Variants in SASH1 observed in about 807,000 individuals in gnomAD.
SASH1 encodes the protein SAM and SH3 domain-containing protein 1.
A neutral mutation model predicts 125.2 loss-of-function variants in SASH1; 44 were observed. The ratio of observed to expected loss-of-function variants is 0.35; its 90% CI spans 0.28 to 0.45. The LOEUF (loss-of-function observed/expected upper bound fraction) is 0.45, where lower values mean the gene tolerates loss of function less well. Ranked by LOEUF, SASH1 falls within the 20% of genes least tolerant of loss-of-function variation. The pLI, the probability that SASH1 is intolerant of heterozygous loss-of-function variation, is 1.00. For missense variants in SASH1, 1,426 were observed against 1,614.5 expected, an observed-to-expected ratio of 0.88 and a Z score of 2.00; for synonymous variants, 639 against 649.1, an observed-to-expected ratio of 0.98 and a Z score of 0.24.
chr6:148,481,343 TC>T (rs1458820634), intron 7 of SASH1, among the ~76,000 whole-genome samples: 1 of 152,144 alleles, frequency 6.6e-6, no homozygotes, highest in Non-Finnish European at 1.5e-5. Flanking sequence ...ATAAGGCTGT[TC>T]CATTTTCTTA....
At chr6:148,259,169 C>A in the SASH1 span, among the ~76,000 whole-genome samples, 1 of 152,174 alleles carries the variant, frequency 6.6e-6, no homozygotes, top group Non-Finnish European at 1.5e-5. Context: ...GGGGCACCTC[C>A]TGTTCCAGGA....
chr6:148,479,978 G>C (rs112665114), intron 7 of SASH1: 291 of 154,280 alleles, frequency 1.9e-3, no homozygotes, highest in Non-Finnish European at 2.2e-3. Flanking sequence ...TGTAGCCAGA[G>C]ATGAAACACT....
At chr6:148,281,528 T>C (rs1180213836) in intron 1 of SASH1, among the ~76,000 whole-genome samples, 2 of 152,186 alleles carry the variant, frequency 1.3e-5, no homozygotes, top group East Asian at 1.9e-4. Context: ...GACCGACTCA[T>C]GAGCCTGATG....
intron 4 of SASH1, among the ~76,000 whole-genome samples, chr6:148,466,741 TA>T (rs1380884979): frequency 4.0e-5 from 6 of 150,482 alleles, no homozygotes; most frequent in Non-Finnish European, 9.0e-5. Context: ...TTGAACTTTT[TA>T]GAAGTTTTTT....
intron 8 of SASH1, among the ~76,000 whole-genome samples, chr6:148,500,098 G>A (rs1007544867): frequency 4.6e-5 from 7 of 151,972 alleles, no homozygotes; most frequent in African/African-American, 1.7e-4. Context: ...TCTCTTTGCC[G>A]TAGTTTGTTT....
chr6:148,213,354 C>G, the SASH1 span, among the ~76,000 whole-genome samples: 4 of 152,068 alleles, frequency 2.6e-5, no homozygotes, highest in African/African-American at 9.7e-5. Context: ...AATCTGTATT[C>G]TCCGCTTTTA....
At chr6:148,410,656 G>A (rs1784584770) in intron 2 of SASH1, among the ~76,000 whole-genome samples, 1 of 152,114 alleles carries the variant, frequency 6.6e-6, no homozygotes, top group Admixed American at 6.6e-5. Context: ...TTTCTGTATA[G>A]GACAAGCCTA....
intron 1 of SASH1, among the ~76,000 whole-genome samples, chr6:148,337,553 G>C (rs2495938): frequency 0.28 from 41,806 of 151,838 alleles, 5,781 homozygotes; most frequent in Admixed American, 0.31. Flanking sequence ...ATAGAGACGA[G>C]GTTTCACCAT....
intron 1 of SASH1, among the ~76,000 whole-genome samples, chr6:148,288,725 G>A (rs1779551014): frequency 6.6e-6 from 1 of 152,026 alleles, no homozygotes; most frequent in African/African-American, 2.4e-5. Flanking sequence ...TTTCCAGGCT[G>A]AGGCCACTCT....
intron 8 of SASH1, among the ~76,000 whole-genome samples, chr6:148,490,334 G>A (rs1302719913): frequency 6.6e-6 from 1 of 151,822 alleles, no homozygotes; most frequent in Non-Finnish European, 1.5e-5. Context: ...TCAGCCTCCC[G>A]AGTAGTTAGG....
intron 8 of SASH1, among the ~76,000 whole-genome samples, chr6:148,499,563 A>T (rs1779476542): frequency 6.6e-6 from 1 of 152,086 alleles, no homozygotes; most frequent in African/African-American, 2.4e-5. Flanking sequence ...CTTCATTGAG[A>T]TTTTCCTGCC....
At chr6:148,416,752 C>T (rs1342706439) in intron 2 of SASH1, among the ~76,000 whole-genome samples, 6 of 152,246 alleles carry the variant, frequency 3.9e-5, no homozygotes, top group African/African-American at 7.2e-5. Context: ...CCCTGGAACA[C>T]GGGGAATCAT....
Position 148,511,014 on chromosome 6 carries a change from GAA to G in SASH1, c.730-3308_730-3307del, listed in dbSNP as rs1780088166. ...CCATCTCAAAAAAAAAAAAAAAAAA[GAA>G]AGACATGCTGTGTTATTTTCAGCAT... On this transcript the variant is annotated intron_variant, in intron 8 of 19. Transcript: ENST00000367467. Among the ~76,000 whole-genome samples, 9 of 134,528 alleles carry G rather than the reference GAA, an allele frequency of 6.7e-5. No individual in the cohort carries two copies. In the South Asian group the frequency reaches 1.9e-3, roughly 29 times the overall value. The allele number at this position is 134,528 out of a possible 152,430, so 88.3% of individuals were successfully genotyped here.
At chr6:148,524,204 C>CA (rs1311513002) in intron 10 of SASH1, among the ~76,000 whole-genome samples, 1 of 134,096 alleles carries the variant, frequency 7.5e-6, no homozygotes, top group Admixed American at 7.3e-5. Flanking sequence ...AAAATAATGG[C>CA]AAAACTGCGA....
At chr6:148,322,929 C>CTCTTT (rs1554234555) in intron 1 of SASH1, among the ~76,000 whole-genome samples, 6,558 of 119,348 alleles carry the variant, frequency 0.055, 426 homozygotes, top group Admixed American at 0.071. Flanking sequence ...TTCTTTCTCT[C>CTCTTT]TTTCTTTTCC....
chr6:148,523,712 T>C (rs1212505396), intron 10 of SASH1, among the ~76,000 whole-genome samples: 2 of 152,154 alleles, frequency 1.3e-5, no homozygotes, highest in African/African-American at 4.8e-5. Context: ...GATTTTATAG[T>C]TGAACTCCCA....
chr6:148,285,349 T>A (rs1779454512), intron 1 of SASH1, among the ~76,000 whole-genome samples: 1 of 152,118 alleles, frequency 6.6e-6, no homozygotes, highest in South Asian at 2.1e-4. Flanking sequence ...TGGAAAAGAG[T>A]TCCTATCTCC....
intron 16 of SASH1, among the ~76,000 whole-genome samples, chr6:148,535,639 A>G (rs945733954): frequency 2.0e-5 from 3 of 152,216 alleles, no homozygotes; most frequent in African/African-American, 7.2e-5. Context: ...CACTGAGCTC[A>G]CAGCTTTTAT....
intron 1 of SASH1, among the ~76,000 whole-genome samples, chr6:148,360,548 A>G (rs568332940): frequency 6.6e-6 from 1 of 150,946 alleles, no homozygotes; most frequent in East Asian, 2.0e-4. Context: ...GGGTTTCACC[A>G]TTTTGGTTGA....
Sources: gnomAD v4.1 joint callset for allele counts (sites outside exome capture counted in the v4.1 genomes callset) on GRCh38, gnomAD v4.1.1 for gene constraint, MANE v1.5 for transcripts, NCBI Gene and HGNC (gene_info 2026-07-23, HGNC 2026-07-21) for gene names.